RTN4: variants seen among roughly 807,000 people sequenced by gnomAD.
RTN4 encodes reticulon 4.
Under a neutral mutation model 90.4 loss-of-function variants are expected in RTN4, and 32 were observed. The observed-to-expected ratio is 0.35, with a 90% confidence interval of 0.27 to 0.48. The LOEUF (loss-of-function observed/expected upper bound fraction) is 0.48, where lower values mean the gene tolerates loss of function less well. Ranked by LOEUF, RTN4 falls within the 20% of genes least tolerant of loss-of-function variation. RTN4 has a pLI of 0.99. For missense variants in RTN4, 1,706 were observed against 1,430.2 expected (o/e 1.19, Z -3.11); for synonymous variants, 629 against 552.5 (o/e 1.14, Z -1.94).
rs746692643 is a variant in RTN4 at position 55,050,308 on chromosome 2, G to C, written c.-8C>G. 2.1e-5 allele frequency: 29 copies of C among 1,409,962 alleles called. No individual in the cohort carries two copies. The Admixed American group carries it at 8.4e-4, about 41-fold the overall frequency. 87.3% of individuals were successfully genotyped at this position (1,409,962 alleles called of 1,614,324 possible). On this transcript the variant is annotated 5_prime_UTR_variant, in exon 1 of 9. Coordinates refer to ENST00000337526, the MANE Select transcript of RTN4 (RefSeq NM_020532.5). The surrounding 1 kb of genome is among the most constrained non-coding windows in gnomAD (Gnocchi z 4.6). ...CTGGTCCAGGTCTTCCATGGCTGGA[G>C]GGTGGAGATGATGCTGCAGCTGCTG...
Position 55,025,422 on chromosome 2 carries a change from C to T in RTN4, c.2677G>A (p.Glu893Lys). ...GCAATTTCACTTTTGTGGGATACTT[C>T]TAGGTCAGTATATTCCCTGGCTAAT... ...SKLAREYTDL[E>K]VSHKSEIANA... The change falls in exon 3 of 9, where the codon GAA (glutamate) becomes AAA (lysine). Residue 893 changes from glutamate (E) to lysine (K), a missense_variant. By Grantham distance (56) the Glu-to-Lys change is moderately conservative (BLOSUM62 1). Coordinates refer to ENST00000337526, the MANE Select transcript of RTN4 (RefSeq NM_020532.5). 6.2e-7 allele frequency: 1 copy of T among 1,613,876 alleles called. No individual in the cohort carries two copies. The highest frequency in any genetic ancestry group is 8.5e-7 in the Non-Finnish European group (1 of 1,179,870).
chr2:55,019,339 T>C (rs1000274271), intron 3 of RTN4, among the ~76,000 whole-genome samples: 2 of 152,096 alleles, frequency 1.3e-5, no homozygotes, highest in Non-Finnish European at 2.9e-5. Flanking sequence ...TTTACTAAAT[T>C]GGAGGGGCGA....
Position 55,050,072 on chromosome 2 carries a change from G to T in RTN4, c.229C>A (p.Pro77Thr), listed in dbSNP as rs72912589. The change falls in exon 1 of 9, where the codon CCC becomes ACC. Residue 77 changes from proline to threonine, a missense_variant. Pro to Thr is a conservative substitution (Grantham distance 38). Coordinates refer to ENST00000337526, the MANE Select transcript of RTN4 (RefSeq NM_020532.5). This position sits in a 1 kb window ranked among gnomAD's most constrained non-coding sequence, Gnocchi z 4.6. ...AAGTCATTTCCGAAGTCCATCAGGG[G>T]CGCGCCGGCGGCAGGGGCGGTGGGC... ...PVPTAPAAGA[P>T]LMDFGNDFVP... The T allele has an allele frequency of 1.4e-6, 2 of 1,448,876 alleles. No individual in the cohort carries two copies. Among genetic ancestry groups the T allele is most frequent in the East Asian group, 5.5e-5 (2 of 36,060 alleles). The allele number at this position is 1,448,876 out of a possible 1,614,324, so 89.8% of individuals were successfully genotyped here. A position where few individuals can be genotyped will look rare whatever the true frequency, so the allele number is the denominator to read the frequency against.
At chr2:55,080,367 T>C (rs1668687742) in intron 2 of RTN4, 1 of 152,146 alleles carries the variant, frequency 6.6e-6, no homozygotes, top group Non-Finnish European at 1.5e-5. Context: ...GCAAAATGAC[T>C]GATTAGATTT....
rs751316044 is a variant in RTN4, at chr2:55,026,766, TATC to T, written c.1330_1332del (p.Asp444del). The T allele has an allele frequency of 3.0e-5, 48 of 1,613,830 alleles. No individual in the cohort carries two copies. The highest frequency in any genetic ancestry group is 3.9e-5 in the Non-Finnish European group (46 of 1,179,894). On this transcript the variant is annotated inframe_deletion, in exon 3 of 9. Transcript: ENST00000337526. ...CCTTCTGGCGTACTGGGGAAAGAAG[TATC>T]ATCATTACTACTCTCACTATCTTTT...
rs938860407 is a variant in RTN4 at position 55,028,013 on chromosome 2, T to C, written c.613+151A>G. On this transcript the variant is annotated intron_variant, in intron 2 of 8. Coordinates refer to ENST00000337526, the MANE Select transcript of RTN4 (RefSeq NM_020532.5). Reference sequence around the variant, plus strand: ...TCATTTTTCCCTTGGGCATACCATATAAAATGCACATTTCAACTTTTCCAG... The same window carrying C: ...TCATTTTTCCCTTGGGCATACCATACAAAATGCACATTTCAACTTTTCCAG... The C allele has an allele frequency of 6.5e-6, 4 of 618,978 alleles. No individual in the cohort carries two copies. The South Asian group carries it at 8.6e-5, about 13-fold the overall frequency. 38.3% of individuals were successfully genotyped at this position (618,978 alleles called of 1,614,324 possible). A position where few individuals can be genotyped will look rare whatever the true frequency, so the allele number is the denominator to read the frequency against.
intron 1 of RTN4, among the ~76,000 whole-genome samples, chr2:55,048,728 T>A (rs1667918053): frequency 6.6e-6 from 1 of 152,196 alleles, no homozygotes; most frequent in African/African-American, 2.4e-5. Context: ...AAACAGTATT[T>A]CTAACCAATA....
At chr2:55,061,883 G>A (rs1215316381) in intron 2 of RTN4, among the ~76,000 whole-genome samples, 2 of 152,096 alleles carry the variant, frequency 1.3e-5, no homozygotes, top group Admixed American at 1.3e-4. Flanking sequence ...GACCCCCTTG[G>A]CCTGCCACGC....
intron 5 of RTN4, among the ~76,000 whole-genome samples, chr2:54,977,932 C>T (rs573212329): frequency 2.6e-4 from 39 of 152,268 alleles, no homozygotes; most frequent in African/African-American, 8.4e-4. Context: ...ACCAGGCACA[C>T]GGATACCCAT....
At chr2:55,131,059 T>C in the RTN4 span, among the ~76,000 whole-genome samples, 2 of 152,192 alleles carry the variant, frequency 1.3e-5, no homozygotes. Context: ...ATGATGATAC[T>C]TTTAACAAGT....
intron 1 of RTN4, among the ~76,000 whole-genome samples, chr2:55,105,211 T>A (rs1166131770): frequency 8.2e-6 from 1 of 121,782 alleles, no homozygotes; most frequent in Non-Finnish European, 1.8e-5. Flanking sequence ...CCTTCCCCCC[T>A]TTTTTTGCTA....
chr2:55,134,919 A>G, the RTN4 span, among the ~76,000 whole-genome samples: 38 of 152,312 alleles, frequency 2.5e-4, no homozygotes, highest in African/African-American at 8.9e-4. Context: ...CACTTGTCAC[A>G]TGTGTCTGTT....
intron 5 of RTN4, among the ~76,000 whole-genome samples, chr2:54,976,440 G>A (rs1369330172): frequency 6.6e-6 from 1 of 152,240 alleles, no homozygotes. Context: ...GAGGCTGGGA[G>A]AGAACTGAGG....
intron 5 of RTN4, among the ~76,000 whole-genome samples, chr2:54,978,448 A>G (rs867438528): frequency 9.3e-5 from 14 of 151,168 alleles, no homozygotes; most frequent in Non-Finnish European, 1.5e-4. Context: ...AAAAAAAAAA[A>G]AAAAAGAGCT....
At chr2:55,129,012 G>A in the RTN4 span, among the ~76,000 whole-genome samples, 1 of 151,280 alleles carries the variant, frequency 6.6e-6, no homozygotes, top group African/African-American at 2.4e-5. Flanking sequence ...GGAGGCTGAG[G>A]CAGGAGAATC....
chr2:55,129,177 T>C, the RTN4 span, among the ~76,000 whole-genome samples: 1 of 149,738 alleles, frequency 6.7e-6, no homozygotes, highest in African/African-American at 2.5e-5. Context: ...CAATTCACAA[T>C]AGCAGAAATA....
At chr2:55,092,822 C>G (rs1252517165) in intron 1 of RTN4, among the ~76,000 whole-genome samples, 2 of 152,254 alleles carry the variant, frequency 1.3e-5, no homozygotes, top group Non-Finnish European at 2.9e-5. Context: ...CACACTAGAG[C>G]TAGAAGCGGC....
In RTN4 at chr2:55,069,785, C is replaced by G. The variant is rs1293127389; in HGVS notation, c.-63+10704G>C. 2.0e-5 allele frequency among the ~76,000 whole-genome samples: 3 copies of G among 152,180 alleles called. No individual in the cohort carries two copies. In the East Asian group the frequency reaches 5.8e-4, roughly 29 times the overall value. On this transcript the variant is annotated intron_variant, in intron 2 of 3. Coordinates refer to the RTN4 transcript ENST00000427710. Reference sequence around the variant, plus strand: ...ATGTCCACGAAGTTCAGTGTTTTCTCTAAGAGAGCAAGAAAAAGAGACCAC... The same window carrying G: ...ATGTCCACGAAGTTCAGTGTTTTCTGTAAGAGAGCAAGAAAAAGAGACCAC...
intron 1 of RTN4, among the ~76,000 whole-genome samples, chr2:55,090,595 A>G (rs1006620188): frequency 1.3e-5 from 2 of 152,208 alleles, no homozygotes; most frequent in Admixed American, 6.5e-5. Context: ...CGCCAAAATC[A>G]TCTCAAGAGC....
Sources: allele counts gnomAD v4.1 joint callset (sites outside exome capture counted in the v4.1 genomes callset), GRCh38; gene constraint gnomAD v4.1.1; non-coding constraint Gnocchi (gnomAD v3.1); transcripts MANE v1.5; gene names NCBI Gene and HGNC (gene_info 2026-07-23, HGNC 2026-07-21).